The following DOCK8 variants were observed in gnomAD, a reference collection of about 807,000 sequenced individuals.
The protein encoded by DOCK8 is dedicator of cytokinesis 8.
In DOCK8, 141 loss-of-function variants were observed where a neutral mutation model predicts 245.6. That is an observed-to-expected ratio of 0.57 (90% CI 0.50 to 0.66). DOCK8 has a LOEUF of 0.66. Ranked by LOEUF, DOCK8 falls within the 30% of genes least tolerant of loss-of-function variation. The probability of loss-of-function intolerance (pLI) is 0.00; values close to 1 mark genes in which losing one functional copy is unlikely to be tolerated. For synonymous variants in DOCK8, 1,168 were observed against 970.2 expected, an observed-to-expected ratio of 1.20 and a Z score of -3.79; for missense variants, 2,965 against 2,603.4, an observed-to-expected ratio of 1.14 and a Z score of -3.02.
chr9:390,597 C>T (rs77244796), intron 24 of DOCK8, 31 bp downstream of exon 24: 12 of 1,593,252 alleles, frequency 7.5e-6, no homozygotes, highest in East Asian at 2.2e-5. Context: ...TATCTGTGCT[C>T]AATAGGCCAA....
At chr9:254,750 A>G (rs2047728574) in intron 1 of DOCK8, among the ~76,000 whole-genome samples, 1 of 152,196 alleles carries the variant, frequency 6.6e-6, no homozygotes, top group Admixed American at 6.5e-5. Context: ...GAGATTATAA[A>G]GTTGGCTTAA....
chr9:347,234 C>T (rs766947962), intron 14 of DOCK8, among the ~76,000 whole-genome samples: 10 of 152,070 alleles, frequency 6.6e-5, no homozygotes, highest in South Asian at 2.1e-4. Context: ...CCGGGCACAG[C>T]GGCTCACACC....
At chr9:287,339 G>A (rs75516385) in intron 3 of DOCK8, among the ~76,000 whole-genome samples, 11 of 152,232 alleles carry the variant, frequency 7.2e-5, no homozygotes, top group Admixed American at 1.3e-4. Flanking sequence ...TAAATGAAAC[G>A]CCTGTTGCTT....
intron 27 of DOCK8, among the ~76,000 whole-genome samples, chr9:406,650 G>A (rs1257249808): frequency 6.6e-6 from 1 of 152,074 alleles, no homozygotes; most frequent in Non-Finnish European, 1.5e-5. Context: ...TTCAGCTTTT[G>A]ATTTCAGGTG....
intron 1 of DOCK8, among the ~76,000 whole-genome samples, chr9:237,345 C>T (rs1587638815): frequency 6.6e-6 from 1 of 152,174 alleles, no homozygotes; most frequent in Non-Finnish European, 1.5e-5. Flanking sequence ...GGAAACAAGG[C>T]CATTTAAAAT....
intron 27 of DOCK8, among the ~76,000 whole-genome samples, chr9:406,449 T>C (rs1586938539): frequency 1.4e-5 from 2 of 143,100 alleles, no homozygotes; most frequent in African/African-American, 5.4e-5. Context: ...ACCATGCCAC[T>C]GCAATCCAGC....
At chr9:463,896 GGT>G (rs2057891189) in intron 47 of DOCK8, among the ~76,000 whole-genome samples, 1 of 152,182 alleles carries the variant, frequency 6.6e-6, no homozygotes, top group South Asian at 2.1e-4. Flanking sequence ...CAGACACCTT[GGT>G]GTTGGTCTTG....
upstream of DOCK8, among the ~76,000 whole-genome samples, chr9:212,333 T>C (rs73370593): frequency 0.018 from 2,696 of 152,172 alleles, 70 homozygotes; most frequent in African/African-American, 0.058. Flanking sequence ...TGGTCTGAGA[T>C]AGAAGTCAAG....
At chr9:265,149 C>A (rs1310458938) in intron 1 of DOCK8, among the ~76,000 whole-genome samples, 3 of 152,166 alleles carry the variant, frequency 2.0e-5, no homozygotes, top group Non-Finnish European at 2.9e-5. Flanking sequence ...CCAGGCTGGT[C>A]TTGAACTCCT....
In DOCK8 at chr9:305,156, T is replaced by C. The variant is rs1245020165; in HGVS notation, c.528+452T>C. 3.3e-5 allele frequency among the ~76,000 whole-genome samples: 5 copies of C among 152,368 alleles called. No individual in the cohort carries two copies. In the East Asian group the frequency reaches 9.6e-4, roughly 29 times the overall value. ...TTCCTCCCCTGGGAAACAAGGATGGTAATACTAACTCATGAGGTTATTTGA... is the reference window on the plus strand; with the variant it reads ...TTCCTCCCCTGGGAAACAAGGATGGCAATACTAACTCATGAGGTTATTTGA... On this transcript the variant is annotated intron_variant, in intron 5 of 47. Transcript: ENST00000432829.
chr9:243,195 TGA>T (rs1407945646), intron 1 of DOCK8, among the ~76,000 whole-genome samples: 1 of 152,206 alleles, frequency 6.6e-6, no homozygotes. Context: ...AACTTGATTC[TGA>T]GATCCAGGAG....
intron 1 of DOCK8, among the ~76,000 whole-genome samples, chr9:217,369 TG>T (rs1212209358): frequency 1.3e-5 from 2 of 152,194 alleles, no homozygotes; most frequent in African/African-American, 4.8e-5. Context: ...GAGATGCCAG[TG>T]GCTGGCTGGG....
intron 46 of DOCK8, 85 bp downstream of exon 46, chr9:452,202 G>A: frequency 1.2e-6 from 1 of 847,600 alleles, no homozygotes; most frequent in Non-Finnish European, 1.9e-6. Context: ...CATCACCTGA[G>A]AACTTGCTAG....
intron 28 of DOCK8, among the ~76,000 whole-genome samples, chr9:411,513 T>C (rs2055728632): frequency 6.6e-6 from 1 of 152,148 alleles, no homozygotes; most frequent in Non-Finnish European, 1.5e-5. Context: ...CCAAATATTT[T>C]TAAAAGAATT....
In DOCK8 at chr9:449,768, T is replaced by C. The variant is rs202115648; in HGVS notation, c.5818-16T>C. 2,818 of 1,612,472 alleles carry C rather than the reference T, an allele frequency of 1.7e-3. 3 individuals are homozygous for C. Among genetic ancestry groups the C allele is most frequent in the Non-Finnish European group, 2.1e-3 (2,484 of 1,179,988 alleles). On this transcript the variant is annotated splice_polypyrimidine_tract_variant and intron_variant, in intron 44 of 47. Coordinates refer to ENST00000432829, the MANE Select transcript of DOCK8 (RefSeq NM_203447.4). Reference sequence around the variant, plus strand: ...GACCAGACAGTGACTTCCCTATGTTTACGTCTCATGTTCAGTTTGTTTTGA... The same window carrying C: ...GACCAGACAGTGACTTCCCTATGTTCACGTCTCATGTTCAGTTTGTTTTGA...
intron 1 of DOCK8, among the ~76,000 whole-genome samples, chr9:232,105 A>C (rs1295585406): frequency 6.6e-6 from 1 of 151,290 alleles, no homozygotes; most frequent in African/African-American, 2.5e-5. Flanking sequence ...TTTAGCATGA[A>C]GCGTTGTTGG....
chr9:368,109 G>A lies in DOCK8; in HGVS notation c.1771G>A (p.Gly591Arg). 2 of 1,614,130 alleles carry A rather than the reference G, an allele frequency of 1.2e-6. No homozygotes were observed. Among genetic ancestry groups the A allele is most frequent in the Non-Finnish European group, 1.7e-6 (2 of 1,179,998 alleles). Reference protein sequence around the residue: ...NITIKIQFMCGEDASNAMPVI... With the variant: ...NITIKIQFMCREDASNAMPVI... ...TACAATAAAGATCCAGTTTATGTGT[G>A]GAGAAGATGCTAGCAATGCGATGCC... is the stretch of plus-strand genomic sequence containing the variant. Residue 591 changes from glycine to arginine, a missense_variant, in exon 15 of 48, where the codon GGA (glycine) becomes AGA (arginine). Physicochemically the swap from Gly to Arg is moderately radical, Grantham distance 125 (BLOSUM62 -2). Around this residue, in one of 3 missense-constraint regions of DOCK8, gnomAD observed 2,825 missense variants for 2,453.5 expected, o/e 1.15. Transcript: ENST00000432829.
intron 22 of DOCK8, among the ~76,000 whole-genome samples, chr9:385,274 G>A (rs779469952): frequency 2.0e-5 from 3 of 152,154 alleles, no homozygotes; most frequent in African/African-American, 2.4e-5. Context: ...AATCCGAGTC[G>A]TTCGTGTTTA....
upstream of DOCK8, chr9:214,753 C>T (rs1239831887): frequency 3.9e-6 from 6 of 1,528,224 alleles, no homozygotes; most frequent in Non-Finnish European, 4.4e-6. Flanking sequence ...CCCGCCGCTG[C>T]CTGCGCGCCA....
Sources: gnomAD v4.1 joint callset for allele counts (sites outside exome capture counted in the v4.1 genomes callset) on GRCh38, gnomAD v4.1.1 for gene constraint, gnomAD v4.1.1 regional missense constraint, MANE v1.5 for transcripts, NCBI Gene and HGNC (gene_info 2026-07-23, HGNC 2026-07-21) for gene names.